IQCM: variants seen among roughly 807,000 people sequenced by gnomAD.
The protein encoded by IQCM is IQ motif containing M.
In IQCM, 45 loss-of-function variants were observed where a neutral mutation model predicts 57.6. The ratio of observed to expected loss-of-function variants is 0.78; its 90% confidence interval spans 0.62 to 1.00. The LOEUF is 1.00. IQCM is among the 50% of genes least tolerant of loss of function. IQCM has a pLI of 0.00. For missense variants in IQCM, 468 were observed against 511.6 expected (o/e 0.91, Z 0.82); for synonymous variants, 148 against 158.9 (o/e 0.93, Z 0.51).
chr4:149,481,703 T>TTTTTTTTTTTTTTTTTTG (rs1740855929), intron 12 of IQCM, among the ~76,000 whole-genome samples: 2 of 134,390 alleles, frequency 1.5e-5, no homozygotes, highest in Non-Finnish European at 3.2e-5. Flanking sequence ...CCAGTTTTGT[T>TTTTTTTTTTTTTTTTTTG]TTTTTTTTTT....
In IQCM at chr4:149,548,577, A is replaced by G. The variant is rs1373239879; in HGVS notation, c.1106T>C (p.Met369Thr). ...WMDRKKFYEI[M>T]FAKREDWPKI... ...TGGCCAATCTTCCCTCTTAGCAAAC[A>G]TTATTTCATAGACTAAAAGGACAAA... The change falls in exon 12 of 14, where the codon ATG becomes ACG. Residue 369 changes from methionine (M) to threonine (T), a missense_variant. Transcript: ENST00000636793. 4 of 1,223,938 alleles carry G rather than the reference A, an allele frequency of 3.3e-6. No individual in the cohort carries two copies. The highest frequency in any genetic ancestry group is 1.6e-5 in the African/African-American group (1 of 64,242). 75.8% of individuals were successfully genotyped at this position (1,223,938 alleles called of 1,614,324 possible). A position where few individuals can be genotyped will look rare whatever the true frequency, so the allele number is the denominator to read the frequency against.
intron 3 of IQCM, among the ~76,000 whole-genome samples, chr4:149,738,518 T>C (rs528868747): frequency 6.6e-6 from 1 of 152,296 alleles, no homozygotes; most frequent in African/African-American, 2.4e-5. Flanking sequence ...GTGGAGAAAC[T>C]ATATGCGCTC....
At chr4:149,470,962 T>C (rs920245468) in intron 12 of IQCM, among the ~76,000 whole-genome samples, 5 of 152,110 alleles carry the variant, frequency 3.3e-5, no homozygotes, top group African/African-American at 1.2e-4. Flanking sequence ...GGGACACATT[T>C]AAAGCAGTGT....
intron 7 of IQCM, among the ~76,000 whole-genome samples, chr4:149,634,013 ATTAT>A (rs1757514372): frequency 6.6e-6 from 1 of 151,254 alleles, no homozygotes; most frequent in Middle Eastern, 3.4e-3. Flanking sequence ...TTTTTCTTTT[ATTAT>A]TTATTTATTT....
chr4:149,474,588 G>A (rs889091609), intron 12 of IQCM, among the ~76,000 whole-genome samples: 4 of 150,214 alleles, frequency 2.7e-5, no homozygotes, highest in Non-Finnish European at 5.9e-5. Context: ...GTGGTAGCAT[G>A]TGCCTGTAAT....
At chr4:149,423,659 A>G (rs1304155908) in intron 13 of IQCM, among the ~76,000 whole-genome samples, 1 of 151,926 alleles carries the variant, frequency 6.6e-6, no homozygotes, top group African/African-American at 2.4e-5. Flanking sequence ...ATCACTCATC[A>G]CTGTCTATCT....
chr4:149,721,940 T>A (rs961231983), intron 5 of IQCM, among the ~76,000 whole-genome samples: 2 of 152,122 alleles, frequency 1.3e-5, no homozygotes, highest in Non-Finnish European at 2.9e-5. Flanking sequence ...TTTCACCACA[T>A]CTGTGCCAAC....
intron 2 of IQCM, among the ~76,000 whole-genome samples, chr4:149,750,389 T>G (rs1356431301): frequency 6.6e-6 from 1 of 152,202 alleles, no homozygotes. Context: ...TTGAACAAAA[T>G]GTTAAAATAT....
chr4:149,729,967 T>C (rs1388090349), intron 5 of IQCM, among the ~76,000 whole-genome samples: 1 of 152,184 alleles, frequency 6.6e-6, no homozygotes, highest in Non-Finnish European at 1.5e-5. Context: ...ATGTTTATAA[T>C]AATTCCCAAA....
intron 12 of IQCM, among the ~76,000 whole-genome samples, chr4:149,524,388 G>A (rs1464196383): frequency 1.3e-5 from 2 of 152,074 alleles, no homozygotes; most frequent in African/African-American, 4.8e-5. Context: ...TTTGTGCACT[G>A]TAAGATTTAA....
chr4:149,598,590 C>G (rs542601681), intron 8 of IQCM, among the ~76,000 whole-genome samples: 5 of 152,106 alleles, frequency 3.3e-5, no homozygotes, highest in African/African-American at 1.2e-4. Context: ...AAAATACAAC[C>G]ATGAGATGTT....
At chr4:149,768,567 C>T (rs1210823285) in intron 2 of IQCM, among the ~76,000 whole-genome samples, 3 of 151,938 alleles carry the variant, frequency 2.0e-5, no homozygotes, top group Admixed American at 6.6e-5. Flanking sequence ...TTCTGAACAG[C>T]CTACACACAA....
intron 2 of IQCM, among the ~76,000 whole-genome samples, chr4:149,789,152 T>C (rs1354112040): frequency 6.6e-6 from 1 of 152,152 alleles, no homozygotes; most frequent in African/African-American, 2.4e-5. Context: ...AGAGAGGGCT[T>C]AAAATGTTCC....
At chr4:149,408,186 A>T (rs188746181) in intron 13 of IQCM, among the ~76,000 whole-genome samples, 54 of 152,322 alleles carry the variant, frequency 3.5e-4, no homozygotes, top group Middle Eastern at 6.8e-3. Flanking sequence ...TTACAAAAAA[A>T]TAATGCCAGG....
intron 13 of IQCM, among the ~76,000 whole-genome samples, chr4:149,418,355 TCCTGGACACATACAC>T (rs1462550683): frequency 1.3e-5 from 2 of 152,188 alleles, no homozygotes; most frequent in African/African-American, 4.8e-5. Flanking sequence ...ATGGATAAGT[TCCTGGACACATACAC>T]CCTCCCAGGA....
At chr4:149,483,447 T>C (rs1022402280) in intron 12 of IQCM, among the ~76,000 whole-genome samples, 10 of 151,846 alleles carry the variant, frequency 6.6e-5, no homozygotes, top group African/African-American at 9.7e-5. Flanking sequence ...TGCTGTATCC[T>C]ATAGGTTTTT....
At chr4:149,418,550 A>G (rs2111205975) in intron 13 of IQCM, among the ~76,000 whole-genome samples, 1 of 152,256 alleles carries the variant, frequency 6.6e-6, no homozygotes, top group African/African-American at 2.4e-5. Flanking sequence ...AAACTACTCC[A>G]AAGAATTGAA....
intron 12 of IQCM, among the ~76,000 whole-genome samples, chr4:149,458,233 ATG>A (rs1034597064): frequency 6.6e-6 from 1 of 152,088 alleles, no homozygotes; most frequent in Non-Finnish European, 1.5e-5. Context: ...CTGAGAAATA[ATG>A]TGATTTTATT....
chr4:149,586,488 T>C (rs1752655382), intron 9 of IQCM, among the ~76,000 whole-genome samples: 1 of 151,668 alleles, frequency 6.6e-6, no homozygotes, highest in Non-Finnish European at 1.5e-5. Context: ...TTGTGTTTTA[T>C]CTCTTCTTTT....
Sources: allele counts gnomAD v4.1 joint callset (sites outside exome capture counted in the v4.1 genomes callset), GRCh38; gene constraint gnomAD v4.1.1; transcripts MANE v1.5; gene names NCBI Gene and HGNC (gene_info 2026-07-23, HGNC 2026-07-21).